NF1: variants seen among roughly 807,000 people sequenced by gnomAD.
NF1 encodes neurofibromin 1.
A neutral mutation model predicts 325.7 loss-of-function variants in NF1; 122 were observed. The observed-to-expected ratio is 0.37, with a 90% confidence interval of 0.32 to 0.44. The LOEUF is 0.44. Ranked by LOEUF, NF1 falls within the 20% of genes least tolerant of loss-of-function variation. The pLI is 1.00. For missense variants in NF1, 2,140 were observed against 3,415.4 expected (o/e 0.63, Z 9.31); for synonymous variants, 1,091 against 1,186.0 (o/e 0.92, Z 1.65).
chr17:31,208,020 TA>T (rs1253223502), intron 12 of NF1, among the ~76,000 whole-genome samples: 1 of 152,108 alleles, frequency 6.6e-6, no homozygotes, highest in East Asian at 1.9e-4. Context: ...TGAACAGAGG[TA>T]AAATTTGATT....
At chr17:31,330,633 G>C (rs963731704) in intron 39 of NF1, 135 bp downstream of exon 39, 3 of 697,804 alleles carry the variant, frequency 4.3e-6, no homozygotes, top group Admixed American at 2.9e-5. Context: ...TTTTATATCT[G>C]TGGTATCCTG....
At chr17:31,220,889 GTGT>G (rs2143997917) in intron 14 of NF1, among the ~76,000 whole-genome samples, 1 of 152,146 alleles carries the variant, frequency 6.6e-6, no homozygotes, top group East Asian at 1.9e-4. Context: ...ATTTTAATTT[GTGT>G]TGTTTTTCCT....
intron 15 of NF1, 36 bp from the exon 16 acceptor site, chr17:31,223,408 A>G: frequency 1.2e-6 from 2 of 1,607,216 alleles, no homozygotes; most frequent in Non-Finnish European, 1.7e-6. Context: ...TAGGTTATTG[A>G]TGATGCTAGT....
chr17:31,237,129 TA>T (rs1369134652), intron 29 of NF1, among the ~76,000 whole-genome samples: 1 of 152,242 alleles, frequency 6.6e-6, no homozygotes, highest in African/African-American at 2.4e-5. Flanking sequence ...TCTTCCTAAA[TA>T]ATCATTATTT....
At chr17:31,366,359 T>C (rs934636415) in intron 57 of NF1, among the ~76,000 whole-genome samples, 34 of 152,218 alleles carry the variant, frequency 2.2e-4, no homozygotes, top group African/African-American at 8.2e-4. Flanking sequence ...TACTTTAGAC[T>C]CCCTTCTTCC....
chr17:31,137,586 C>T (rs1372813423), intron 1 of NF1: 1 of 152,080 alleles, frequency 6.6e-6, no homozygotes, highest in Non-Finnish European at 1.5e-5. Flanking sequence ...GCTTGCTATA[C>T]CAGGTGTGCA....
Position 31,375,432 on chromosome 17 carries a change from A to G in NF1, c.*1277A>G. On this transcript the variant is annotated 3_prime_UTR_variant, in exon 58 of 58. Coordinates refer to ENST00000358273, the MANE Select transcript of NF1 (RefSeq NM_001042492.3). ...TGCTGCTATACTGGTGGTATGGATT[A>G]TCATGGCATTGGAATTTTCATAGTA... The G allele has an allele frequency of 4.3e-6, 1 of 231,854 alleles. No homozygotes were observed. The highest frequency in any genetic ancestry group is 8.6e-6 in the Non-Finnish European group (1 of 116,940). The allele number at this position is 231,854 out of a possible 1,614,324, so 14.4% of individuals were successfully genotyped here. A position where few individuals can be genotyped will look rare whatever the true frequency, so the allele number is the denominator to read the frequency against.
At chr17:31,280,313 G>A (rs914919795) in intron 36 of NF1, among the ~76,000 whole-genome samples, 1 of 151,408 alleles carries the variant, frequency 6.6e-6, no homozygotes, top group East Asian at 1.9e-4. Context: ...AGGAGTTCAA[G>A]ATCAGCCTGG....
Position 31,336,815 on chromosome 17 carries a change from T to C in NF1, c.6328T>C (p.Leu2110=), listed in dbSNP as rs780230966. ...LPYLFHVVTF[L]VATGPLSLRA... is the part of the protein sequence containing the mutation. ...CTACCTCTTCCACGTTGTTACTTTCTTAGTAGCCACAGGTCCGCTCTCCCT... is the reference window on the plus strand; with the variant it reads ...CTACCTCTTCCACGTTGTTACTTTCCTAGTAGCCACAGGTCCGCTCTCCCT... Residue 2110 remains leucine (L), a synonymous_variant, in exon 42 of 58, where the codon TTA becomes CTA. Transcript: ENST00000358273. The surrounding 1 kb of genome is among the most constrained non-coding windows in gnomAD (Gnocchi z 5.5). The C allele has an allele frequency of 3.1e-6, 5 of 1,614,080 alleles. No homozygotes were observed. The highest frequency in any genetic ancestry group is 1.1e-5 in the South Asian group (1 of 91,082).
chr17:31,275,032 C>T (rs1412120513), intron 36 of NF1, among the ~76,000 whole-genome samples: 1 of 152,130 alleles, frequency 6.6e-6, no homozygotes, highest in African/African-American at 2.4e-5. Context: ...CTTAAGCTCT[C>T]CAGGCCTCTT....
chr17:31,304,448 T>A, intron 36 of NF1: 1 of 1,614,208 alleles, frequency 6.2e-7, no homozygotes, highest in Non-Finnish European at 8.5e-7. Context: ...ATCTCAGATT[T>A]ATGATCTCCA....
chr17:31,180,750 ATC>A (rs1555608524), intron 5 of NF1, among the ~76,000 whole-genome samples: 7 of 152,250 alleles, frequency 4.6e-5, no homozygotes, highest in Admixed American at 1.3e-4. Context: ...GGCCAGGGCA[ATC>A]AGGCAAGAGA....
In NF1 at chr17:31,330,211, A is replaced by C. The variant is rs182733670; in HGVS notation, c.5610-85A>C. The C allele has an allele frequency of 1.2e-5, 13 of 1,079,820 alleles. No homozygotes were observed. In the Admixed American group the frequency reaches 2.3e-4, roughly 19 times the overall value. 66.9% of individuals were successfully genotyped at this position (1,079,820 alleles called of 1,614,324 possible). A position where few individuals can be genotyped will look rare whatever the true frequency, so the allele number is the denominator to read the frequency against. On this transcript the variant is annotated intron_variant, in intron 38 of 57. Coordinates refer to ENST00000358273, the MANE Select transcript of NF1 (RefSeq NM_001042492.3). ...AATAGTTGATCATACTTTGTAACAG[A>C]ATCACAAATTGTATGTTATGAAAAA...
rs985473025 is a variant in NF1, at chr17:31,167,595, C to G, written c.480-2296C>G. ...TATAAAAGTTTACAATTTAATTGTG[C>G]TGCTTATATTTTTTATGTCTATTAA... On this transcript the variant is annotated intron_variant, in intron 4 of 57. Coordinates refer to ENST00000358273, the MANE Select transcript of NF1 (RefSeq NM_001042492.3). 1.8e-4 allele frequency among the ~76,000 whole-genome samples: 27 copies of G among 152,104 alleles called. 1 individual carries two copies. The highest frequency in any genetic ancestry group is 2.9e-5 in the Non-Finnish European group (2 of 68,002).
chr17:31,110,524 T>C (rs1414338574), intron 1 of NF1, among the ~76,000 whole-genome samples: 1 of 152,192 alleles, frequency 6.6e-6, no homozygotes, highest in South Asian at 2.1e-4. Context: ...TGAGGAGATA[T>C]ATTCTGGGGT....
chr17:31,095,730 A>C (rs1911632586), intron 1 of NF1, among the ~76,000 whole-genome samples: 1 of 151,766 alleles, frequency 6.6e-6, no homozygotes, highest in South Asian at 2.1e-4. Context: ...TTACCCCCTT[A>C]CTTTTGTTTT....
chr17:31,226,466 C>G lies in NF1; in HGVS notation c.2033C>G (p.Pro678Arg), dbSNP rs17881753. The G allele has an allele frequency of 6.2e-7, 1 of 1,613,768 alleles. No individual in the cohort carries two copies. Among genetic ancestry groups the G allele is most frequent in the East Asian group, 2.2e-5 (1 of 44,880 alleles). Residue 678 changes from proline (P) to arginine (R), a missense_variant, in exon 18 of 58, where the codon CCG becomes CGG. Pro to Arg is a moderately radical substitution (Grantham distance 103). This residue lies in a region of NF1 where 380 missense variants were observed against 639.3 expected (regional missense o/e 0.59). Coordinates refer to ENST00000358273, the MANE Select transcript of NF1 (RefSeq NM_001042492.3). ...GCAGCAGGATGCAGCGGAACCCCCCCGATTTGCCGACAAGCCCAGACCAAA... is the reference window on the plus strand; with the variant it reads ...GCAGCAGGATGCAGCGGAACCCCCCGGATTTGCCGACAAGCCCAGACCAAA... ...DSAAGCSGTP[P>R]ICRQAQTKLE...
chr17:31,333,515 T>A (rs1017430239), intron 39 of NF1, among the ~76,000 whole-genome samples: 3 of 152,160 alleles, frequency 2.0e-5, no homozygotes, highest in African/African-American at 7.2e-5. Flanking sequence ...GTAAACACTA[T>A]TATGACCTCT....
intron 1 of NF1, among the ~76,000 whole-genome samples, chr17:31,097,459 CAAAAA>C (rs71142015): frequency 5.1e-5 from 4 of 78,326 alleles, no homozygotes; most frequent in African/African-American, 1.1e-4. Context: ...CTCTTGTCTC[CAAAAA>C]AAAAAAAAAA....
Sources: allele counts gnomAD v4.1 joint callset (sites outside exome capture counted in the v4.1 genomes callset), GRCh38; gene constraint gnomAD v4.1.1; regional missense constraint gnomAD v4.1.1; non-coding constraint Gnocchi (gnomAD v3.1); transcripts MANE v1.5; gene names NCBI Gene and HGNC (gene_info 2026-07-23, HGNC 2026-07-21).